STON2: variants seen among roughly 807,000 people sequenced by gnomAD.
The protein encoded by STON2 is stonin 2.
A neutral mutation model predicts 65.7 loss-of-function variants in STON2; 29 were observed. The observed-to-expected ratio is 0.44, with a 90% CI of 0.33 to 0.60. The LOEUF (loss-of-function observed/expected upper bound fraction) is 0.60, where lower values mean the gene tolerates loss of function less well. STON2 is among the 20% of genes least tolerant of loss of function. The pLI is 0.03. For missense variants in STON2, 1,054 were observed against 1,118.1 expected (o/e 0.94, Z 0.82); for synonymous variants, 404 against 414.2 (o/e 0.98, Z 0.30).
At chr14:81,286,102 T>G (rs1446332209) in intron 5 of STON2, among the ~76,000 whole-genome samples, 2 of 152,168 alleles carry the variant, frequency 1.3e-5, no homozygotes, top group Admixed American at 1.3e-4. Context: ...GAGCCGAGAC[T>G]GCGCCACTGC....
At chr14:81,429,282 G>A (rs546138411) in intron 1 of STON2, among the ~76,000 whole-genome samples, 54 of 152,230 alleles carry the variant, frequency 3.5e-4, no homozygotes, top group African/African-American at 1.3e-3. Flanking sequence ...GGGGAAGCAG[G>A]GTCAGTTATT....
chr14:81,315,172 A>G (rs1896572154), intron 5 of STON2, among the ~76,000 whole-genome samples: 1 of 152,102 alleles, frequency 6.6e-6, no homozygotes, highest in Non-Finnish European at 1.5e-5. Flanking sequence ...TTTTACTATC[A>G]CTCTATTTGC....
chr14:81,354,438 T>C (rs900989645), intron 4 of STON2, among the ~76,000 whole-genome samples: 1 of 152,098 alleles, frequency 6.6e-6, no homozygotes, highest in African/African-American at 2.4e-5. Context: ...TACGCAGATA[T>C]CGATGCAAGA....
chr14:81,371,107 C>T lies in STON2; in HGVS notation c.452G>A (p.Ser151Asn). 6.2e-7 allele frequency: 1 copy of T among 1,614,138 alleles called. No individual in the cohort carries two copies. The highest frequency in any genetic ancestry group is 1.7e-5 in the Admixed American group (1 of 60,010). The change falls in exon 4 of 8, where the codon AGC (serine) becomes AAC (asparagine). Residue 151 changes from serine to asparagine, a missense_variant. Coordinates refer to ENST00000614646, the MANE Select transcript of STON2 (RefSeq NM_001394390.1). The part of the protein sequence containing the change: ...LGRCPLTSES[S>N]WTTHSEDTSS... ...GGTGTCTTCAGAATGGGTGGTCCAGCTGCTCTCAGAAGTCAGAGGGCATCT... is the reference window on the plus strand; with the variant it reads ...GGTGTCTTCAGAATGGGTGGTCCAGTTGCTCTCAGAAGTCAGAGGGCATCT...
intron 1 of STON2, among the ~76,000 whole-genome samples, chr14:81,427,671 C>T (rs1027976091): frequency 3.3e-5 from 5 of 151,670 alleles, no homozygotes; most frequent in Non-Finnish European, 7.4e-5. Flanking sequence ...CCCTAACTCA[C>T]CAACTTTTTA....
At chr14:81,276,775 C>T in intron 6 of STON2, 126 bp downstream of exon 6, 2 of 1,130,402 alleles carry the variant, frequency 1.8e-6, no homozygotes, top group East Asian at 2.4e-5. Context: ...TTTCTGGTCC[C>T]ACTCCCCCTC....
At chr14:81,311,225 T>C (rs1323366871) in intron 5 of STON2, among the ~76,000 whole-genome samples, 1 of 152,024 alleles carries the variant, frequency 6.6e-6, no homozygotes, top group African/African-American at 2.4e-5. Flanking sequence ...GAAAGAGCAA[T>C]GGAATAGGAG....
intron 4 of STON2, among the ~76,000 whole-genome samples, chr14:81,344,179 T>G (rs548336374): frequency 6.6e-6 from 1 of 152,188 alleles, no homozygotes; most frequent in Non-Finnish European, 1.5e-5. Flanking sequence ...ATAGTCCCCG[T>G]AAGATATTTC....
chr14:81,408,975 T>A (rs190132354), intron 2 of STON2, among the ~76,000 whole-genome samples: 112 of 152,080 alleles, frequency 7.4e-4, no homozygotes, highest in Non-Finnish European at 1.2e-3. Context: ...CCACTTCATA[T>A]TTTTTTTGAA....
At chr14:81,349,047 A>G (rs543967013) in intron 4 of STON2, among the ~76,000 whole-genome samples, 30 of 152,304 alleles carry the variant, frequency 2.0e-4, no homozygotes, top group Admixed American at 1.6e-3. Context: ...CATGCAGAAC[A>G]ATGAAACTAG....
rs552849684 is a variant in STON2 at position 81,297,504 on chromosome 14, T to C, written c.743-18765A>G. Among the ~76,000 whole-genome samples, 4 of 152,366 alleles carry C rather than the reference T, an allele frequency of 2.6e-5. No homozygotes were observed. The East Asian group carries it at 7.7e-4, about 29-fold the overall frequency. On this transcript the variant is annotated intron_variant, in intron 5 of 7. Transcript: ENST00000614646. ...GAGCAAATTTCTCAATTTCTGAGTC[T>C]GTTTCCTCACTTTTAAGGAGGATAA... is the stretch of plus-strand genomic sequence containing the variant.
At chr14:81,420,864 A>G (rs968090398) in intron 2 of STON2, among the ~76,000 whole-genome samples, 4 of 152,202 alleles carry the variant, frequency 2.6e-5, no homozygotes, top group East Asian at 1.9e-4. Context: ...CAAAGGGTGT[A>G]TGCAACCTCC....
chr14:81,339,290 G>C (rs536873829), intron 4 of STON2, among the ~76,000 whole-genome samples: 23 of 152,190 alleles, frequency 1.5e-4, no homozygotes, highest in Non-Finnish European at 2.6e-4. Flanking sequence ...TTAAACCCCA[G>C]AGTGAGTTAT....
chr14:81,357,496 TC>T (rs1041872402), intron 4 of STON2, among the ~76,000 whole-genome samples: 3 of 150,646 alleles, frequency 2.0e-5, no homozygotes, highest in African/African-American at 7.3e-5. Context: ...GTGTGGCGAT[TC>T]CTCAGGGATC....
intron 4 of STON2, among the ~76,000 whole-genome samples, chr14:81,359,560 GA>G (rs1264529901): frequency 9.9e-5 from 15 of 152,092 alleles, no homozygotes; most frequent in Middle Eastern, 3.4e-3. Flanking sequence ...GTAGAGACTA[GA>G]AAAATACAAA....
chr14:81,282,437 A>G (rs944423091), intron 5 of STON2, among the ~76,000 whole-genome samples: 7 of 152,192 alleles, frequency 4.6e-5, no homozygotes, highest in South Asian at 2.1e-4. Flanking sequence ...TATATATTAA[A>G]TTAGGGAAAT....
chr14:81,270,653 A>T lies in STON2; in HGVS notation c.2784+17T>A, dbSNP rs775576400. ...AAATGGAGTTGGAAGCATTAGCCAGATGCTTCCCAAGGCTACCTGGTAGCT... is the reference window on the plus strand; with the variant it reads ...AAATGGAGTTGGAAGCATTAGCCAGTTGCTTCCCAAGGCTACCTGGTAGCT... On this transcript the variant is annotated intron_variant, in intron 7 of 7. Transcript: ENST00000614646. 4 of 1,614,140 alleles carry T rather than the reference A, an allele frequency of 2.5e-6. No homozygotes were observed. In the East Asian group the frequency reaches 6.7e-5, roughly 27 times the overall value.
At chr14:81,282,300 T>G (rs1895155931) in intron 5 of STON2, among the ~76,000 whole-genome samples, 1 of 152,204 alleles carries the variant, frequency 6.6e-6, no homozygotes, top group Admixed American at 6.5e-5. Flanking sequence ...TAGGACATAT[T>G]GTTGAGTGAA....
intron 5 of STON2, among the ~76,000 whole-genome samples, chr14:81,303,646 T>C (rs1018802944): frequency 3.2e-4 from 49 of 152,314 alleles, no homozygotes; most frequent in African/African-American, 1.1e-3. Context: ...TCTTCCTCAG[T>C]GAGCAGATCA....
Sources: allele counts gnomAD v4.1 joint callset (sites outside exome capture counted in the v4.1 genomes callset), GRCh38; gene constraint gnomAD v4.1.1; transcripts MANE v1.5; gene names NCBI Gene and HGNC (gene_info 2026-07-23, HGNC 2026-07-21).